The following PRKN variants were observed in gnomAD, a reference collection of about 807,000 sequenced individuals.
PRKN encodes parkin RBR E3 ubiquitin protein ligase.
A neutral mutation model predicts 59.5 loss-of-function variants in PRKN; 56 were observed. That is an observed-to-expected ratio of 0.94 (90% CI 0.76 to 1.18). The LOEUF is 1.18. Among genes scored for constraint, PRKN ranks in the 50% most tolerant of loss-of-function variants. The probability of loss-of-function intolerance (pLI) is 0.00; values close to 1 mark genes in which losing one functional copy is unlikely to be tolerated. For missense variants in PRKN, 657 were observed against 596.4 expected (o/e 1.10, Z -1.06); for synonymous variants, 250 against 222.1 (o/e 1.13, Z -1.12).
intron 4 of PRKN, among the ~76,000 whole-genome samples, chr6:162,079,846 A>C (rs910489715): frequency 6.6e-6 from 1 of 152,172 alleles, no homozygotes. Context: ...GGAATGTTTA[A>C]TGAGAGTAAT....
At chr6:161,646,412 C>G (rs113142638) in intron 7 of PRKN, among the ~76,000 whole-genome samples, 4 of 114,018 alleles carry the variant, frequency 3.5e-5, no homozygotes, top group African/African-American at 1.3e-4. Context: ...GGTGGCGTAT[C>G]AGTGACAGTG....
At chr6:162,267,817 CCAAA>C (rs1250728123) in intron 2 of PRKN, among the ~76,000 whole-genome samples, 2 of 151,816 alleles carry the variant, frequency 1.3e-5, no homozygotes, top group Non-Finnish European at 2.9e-5. Context: ...GTTTTTTTTG[CCAAA>C]CAATGATCAA....
chr6:161,805,252 C>A (rs1019379941), intron 6 of PRKN, among the ~76,000 whole-genome samples: 1 of 152,158 alleles, frequency 6.6e-6, no homozygotes, highest in Admixed American at 6.5e-5. Flanking sequence ...CAACTTGAAA[C>A]TGCCTGTTCT....
At position 162,350,872 on chromosome 6, in the gene PRKN, T is replaced by C. The variant is rs576872944; in HGVS notation, c.172-88107A>G. Among the ~76,000 whole-genome samples, 8 of 152,198 alleles carry C rather than the reference T, an allele frequency of 5.3e-5. No individual in the cohort carries two copies. The East Asian group carries it at 5.8e-4, about 11-fold the overall frequency. ...GCTTGTGAAATATACTATTAAAATA[T>C]AGAAAAGACAAGTCACGAACTTGGA... On this transcript the variant is annotated intron_variant, in intron 2 of 11. Transcript: ENST00000366898.
At chr6:161,978,128 C>A (rs1332880957) in intron 5 of PRKN, among the ~76,000 whole-genome samples, 2 of 151,998 alleles carry the variant, frequency 1.3e-5, no homozygotes, top group Non-Finnish European at 2.9e-5. Flanking sequence ...TGGCTCACTG[C>A]AACCTCTGCC....
At chr6:162,119,568 G>A (rs1780819354) in intron 4 of PRKN, among the ~76,000 whole-genome samples, 1 of 152,142 alleles carries the variant, frequency 6.6e-6, no homozygotes, top group South Asian at 2.1e-4. Flanking sequence ...GTTTGTGTCA[G>A]CAAAATCACA....
At chr6:162,058,571 C>CT (rs1244879458) in intron 4 of PRKN, among the ~76,000 whole-genome samples, 10 of 152,206 alleles carry the variant, frequency 6.6e-5, no homozygotes, top group Admixed American at 6.5e-4. Context: ...AATGGGACAA[C>CT]ATTGCTTCTC....
chr6:161,523,159 C>A (rs534967311), intron 9 of PRKN, among the ~76,000 whole-genome samples: 5 of 152,156 alleles, frequency 3.3e-5, no homozygotes, highest in African/African-American at 1.2e-4. Context: ...ATGGTTGAAT[C>A]CAGTGTATCT....
At chr6:162,437,841 C>T (rs1418949891) in intron 2 of PRKN, among the ~76,000 whole-genome samples, 2 of 152,136 alleles carry the variant, frequency 1.3e-5, no homozygotes, top group Non-Finnish European at 1.5e-5. Flanking sequence ...TGAAAGACAT[C>T]AGAGTTGTTT....
At chr6:162,036,268 G>T (rs564184140) in intron 5 of PRKN, among the ~76,000 whole-genome samples, 1 of 151,876 alleles carries the variant, frequency 6.6e-6, no homozygotes, top group South Asian at 2.1e-4. Context: ...AGCTTGCAGT[G>T]AGCCGAGATC....
intron 4 of PRKN, among the ~76,000 whole-genome samples, chr6:162,071,378 A>T (rs1391192595): frequency 1.3e-5 from 2 of 151,758 alleles, no homozygotes; most frequent in Non-Finnish European, 2.9e-5. Context: ...CCTTAGTAAT[A>T]TATGCTTTAT....
intron 1 of PRKN, among the ~76,000 whole-genome samples, chr6:162,460,871 T>C (rs887715785): frequency 6.6e-6 from 1 of 152,190 alleles, no homozygotes; most frequent in African/African-American, 2.4e-5. Flanking sequence ...ACTAATGGTA[T>C]GAAAAAGGTA....
At position 161,554,732 on chromosome 6, in the gene PRKN, G is replaced by A. The variant is rs34432409; in HGVS notation, c.934-5729C>T. The stretch of plus-strand genomic sequence containing the variant: ...AGGGATTGTGTGTGTGTGTGTGTGT[G>A]TGTATATATATATATATATATACAT... On this transcript the variant is annotated intron_variant, in intron 8 of 11. Transcript: ENST00000366898. The surrounding 1 kb of genome is among the most constrained non-coding windows in gnomAD (Gnocchi z 4.5). Among the ~76,000 whole-genome samples the A allele has an allele frequency of 0.18, 21,237 of 119,396 alleles. 1,947 individuals are homozygous for A. Among genetic ancestry groups the A allele is most frequent in the Middle Eastern group, 0.26 (65 of 246 alleles). The allele number at this position is 119,396 out of a possible 152,430, so 78.3% of individuals were successfully genotyped here.
At chr6:162,017,919 C>G (rs569953393) in intron 5 of PRKN, among the ~76,000 whole-genome samples, 12 of 152,286 alleles carry the variant, frequency 7.9e-5, no homozygotes, top group African/African-American at 2.9e-4. Context: ...TCTGTTGTTC[C>G]TATGTGTCTT....
At chr6:161,866,827 T>C (rs889874540) in intron 6 of PRKN, among the ~76,000 whole-genome samples, 2 of 152,142 alleles carry the variant, frequency 1.3e-5, no homozygotes, top group Admixed American at 6.5e-5. Context: ...AGGGAGGAGC[T>C]GGTGGAAACA....
In PRKN at chr6:161,772,795, C is replaced by T. The variant is rs559825198; in HGVS notation, c.871+12977G>A. Among the ~76,000 whole-genome samples the T allele has an allele frequency of 3.3e-5, 5 of 152,010 alleles. No individual in the cohort carries two copies. In the South Asian group the frequency reaches 1.0e-3, roughly 32 times the overall value. On this transcript the variant is annotated intron_variant, in intron 7 of 11. Transcript: ENST00000366898. ...TCCCTCAACCCAATGAGGAAGACAG[C>T]CATTATCTAGTGTAATTAACAAAAT...
rs1217300545 is a variant in PRKN, at chr6:161,419,424, G to A, written c.1084-32547C>T. Among the ~76,000 whole-genome samples, 1 of 150,944 alleles carries A rather than the reference G, an allele frequency of 6.6e-6. No homozygotes were observed. Among genetic ancestry groups the A allele is most frequent in the African/African-American group, 2.4e-5 (1 of 40,938 alleles). On this transcript the variant is annotated intron_variant, in intron 9 of 11. Transcript: ENST00000366898. The surrounding 1 kb of genome is among the most constrained non-coding windows in gnomAD (Gnocchi z 4.1). The stretch of plus-strand genomic sequence containing the variant: ...TTTTTTTTAAATGGAGTCTCGCTCT[G>A]TTGCCCAGGCTGGAGTGCAGTGGTG...
intron 4 of PRKN, among the ~76,000 whole-genome samples, chr6:162,100,227 G>A (rs140395282): frequency 3.3e-5 from 5 of 152,132 alleles, no homozygotes; most frequent in African/African-American, 4.8e-5. Flanking sequence ...TGAATAGTGC[G>A]GCAAAGGACA....
At position 161,847,587 on chromosome 6, in the gene PRKN, CTT is replaced by C. The variant is rs1793252624; in HGVS notation, c.735-61681_735-61680del. Among the ~76,000 whole-genome samples the C allele has an allele frequency of 2.3e-5, 3 of 127,984 alleles. 1 individual carries two copies. The South Asian group carries it at 7.8e-4, about 33-fold the overall frequency. The allele number at this position is 127,984 out of a possible 152,430, so 84.0% of individuals were successfully genotyped here. ...TACCTGTACTTTTTTAGATTTTAGT[CTT>C]TGCCTTTTTTTTTTTCCTATTTGTT... On this transcript the variant is annotated intron_variant, in intron 6 of 11. Transcript: ENST00000366898.
Sources: gnomAD v4.1 joint callset for allele counts (sites outside exome capture counted in the v4.1 genomes callset) on GRCh38, gnomAD v4.1.1 for gene constraint, Gnocchi (gnomAD v3.1) non-coding constraint, MANE v1.5 for transcripts, NCBI Gene and HGNC (gene_info 2026-07-23, HGNC 2026-07-21) for gene names.